OLFM2: variants seen among roughly 807,000 people sequenced by gnomAD.
The protein encoded by OLFM2 is olfactomedin 2, also known as noelin-2.
A neutral mutation model predicts 43.9 loss-of-function variants in OLFM2; 20 were observed. The observed-to-expected ratio is 0.46, with a 90% CI of 0.32 to 0.66. The LOEUF is 0.66. OLFM2 is among the 30% of genes least tolerant of loss of function. The pLI is 0.04. For synonymous variants in OLFM2, 268 were observed against 278.6 expected, an observed-to-expected ratio of 0.96 and a Z score of 0.38; for missense variants, 416 against 643.6, an observed-to-expected ratio of 0.65 and a Z score of 3.83.
intron 2 of OLFM2, 57 bp downstream of exon 2, chr19:9,860,588 G>A (rs934502737): frequency 1.4e-5 from 22 of 1,540,898 alleles, no homozygotes; most frequent in Middle Eastern, 3.8e-4. Flanking sequence ...GCTGGAGGGC[G>A]GGGTGAGAAC....
rs534461534 is a variant in OLFM2 at position 9,880,474 on chromosome 19, G to A, written c.64-19680C>T. On this transcript the variant is annotated intron_variant, in intron 1 of 5. Coordinates refer to ENST00000264833, the MANE Select transcript of OLFM2 (RefSeq NM_058164.4). ...GGGCCAGGTGTGATGGGGCACACCT[G>A]TAATCCCAGCACTTTAGGAGGCTAA... 1.1e-4 allele frequency among the ~76,000 whole-genome samples: 17 copies of A among 152,228 alleles called. No homozygotes were observed. The South Asian group carries it at 3.1e-3, about 28-fold the overall frequency.
chr19:9,896,164 G>GT (rs1207974548), intron 1 of OLFM2, among the ~76,000 whole-genome samples: 19 of 138,778 alleles, frequency 1.4e-4, no homozygotes, highest in African/African-American at 3.5e-4. Context: ...GCAGTGGCGC[G>GT]ATCTTGGCTC....
intron 1 of OLFM2, among the ~76,000 whole-genome samples, chr19:9,880,580 G>C (rs181755486): frequency 2.0e-5 from 3 of 152,062 alleles, no homozygotes; most frequent in African/African-American, 7.2e-5. Flanking sequence ...CTGAGCAAGA[G>C]AGCGAGACCC....
At chr19:9,874,392 C>T (rs2046468862) in intron 1 of OLFM2, among the ~76,000 whole-genome samples, 2 of 142,900 alleles carry the variant, frequency 1.4e-5, no homozygotes, top group Non-Finnish European at 1.5e-5. Context: ...GACTCAAACT[C>T]CTGACCTTAA....
At chr19:9,908,622 G>GCACCCGC (rs1452591874) in intron 1 of OLFM2, among the ~76,000 whole-genome samples, 2 of 151,904 alleles carry the variant, frequency 1.3e-5, no homozygotes, top group Non-Finnish European at 2.9e-5. Context: ...GGGACTGCAG[G>GCACCCGC]CACCCGCCAC....
intron 1 of OLFM2, among the ~76,000 whole-genome samples, chr19:9,934,862 C>A (rs547982742): frequency 6.6e-6 from 1 of 152,300 alleles, no homozygotes; most frequent in African/African-American, 2.4e-5. Flanking sequence ...CCTCCCAACA[C>A]CCCCCTCGGG....
At chr19:9,867,402 AC>A (rs1432157128) in intron 1 of OLFM2, among the ~76,000 whole-genome samples, 1 of 152,156 alleles carries the variant, frequency 6.6e-6, no homozygotes, top group African/African-American at 2.4e-5. Flanking sequence ...ACAAAAAAAA[AC>A]AATTCCTGGT....
intron 1 of OLFM2, among the ~76,000 whole-genome samples, chr19:9,899,985 C>T (rs552695903): frequency 1.3e-5 from 2 of 152,186 alleles, no homozygotes; most frequent in South Asian, 4.1e-4. Flanking sequence ...TGCCTTGTCT[C>T]ACGTGTCCCC....
intron 1 of OLFM2, among the ~76,000 whole-genome samples, chr19:9,908,573 G>T (rs1023208801): frequency 4.8e-5 from 7 of 146,598 alleles, no homozygotes; most frequent in Non-Finnish European, 8.9e-5. Context: ...CCACCTCCTG[G>T]GTTCACGCCA....
At chr19:9,917,787 T>C (rs899426783) in intron 1 of OLFM2, among the ~76,000 whole-genome samples, 1 of 152,318 alleles carries the variant, frequency 6.6e-6, no homozygotes, top group Non-Finnish European at 1.5e-5. Context: ...CTCAGTGATA[T>C]GGTGATCTTA....
chr19:9,874,295 T>C (rs867632057), intron 1 of OLFM2, among the ~76,000 whole-genome samples: 2 of 150,342 alleles, frequency 1.3e-5, no homozygotes, highest in Admixed American at 6.7e-5. Flanking sequence ...TGAGGATTAC[T>C]GGCCAGGGAG....
In OLFM2 at chr19:9,926,553, AAAATAAAT is replaced by A. The variant is rs530932117; in HGVS notation, c.63+9743_63+9750del. 3.3e-5 allele frequency among the ~76,000 whole-genome samples: 5 copies of A among 151,480 alleles called. No individual in the cohort carries two copies. The East Asian group carries it at 9.7e-4, about 29-fold the overall frequency. On this transcript the variant is annotated intron_variant, in intron 1 of 5. Coordinates refer to ENST00000264833, the MANE Select transcript of OLFM2 (RefSeq NM_058164.4). ...GGACAGAGAGCGAGACTCCATCTCA[AAAATAAAT>A]AAATAAATAAATAAATGACTAAAGT...
chr19:9,898,669 CTTATCT>C (rs1188667878), intron 1 of OLFM2, among the ~76,000 whole-genome samples: 1 of 152,138 alleles, frequency 6.6e-6, no homozygotes, highest in Non-Finnish European at 1.5e-5. Context: ...TGGCCCCCTC[CTTATCT>C]TTAAGAAATT....
intron 1 of OLFM2, among the ~76,000 whole-genome samples, chr19:9,873,478 A>T (rs189396494): frequency 1.2e-4 from 18 of 152,208 alleles, no homozygotes; most frequent in African/African-American, 4.3e-4. Context: ...TTTAAGAGAC[A>T]GGGTCTCAAG....
chr19:9,904,165 T>A (rs2046764703), intron 1 of OLFM2, among the ~76,000 whole-genome samples: 1 of 141,596 alleles, frequency 7.1e-6, no homozygotes, highest in Admixed American at 7.0e-5. Context: ...TGTGTGTGTG[T>A]GTGTGTGTGT....
At chr19:9,893,526 A>ACC (rs35429557) in intron 1 of OLFM2, among the ~76,000 whole-genome samples, 2 of 151,838 alleles carry the variant, frequency 1.3e-5, no homozygotes, top group East Asian at 2.0e-4. Flanking sequence ...ACTTGAGTGA[A>ACC]CCCCCCGTCT....
Position 9,856,561 on chromosome 19 carries a change from G to A in OLFM2, c.687+246C>T, listed in dbSNP as rs1047949878. 6.6e-6 allele frequency among the ~76,000 whole-genome samples: 1 copy of A among 152,212 alleles called. No homozygotes were observed. The highest frequency in any genetic ancestry group is 2.4e-5 in the African/African-American group (1 of 41,452). On this transcript the variant is annotated intron_variant, in intron 5 of 5. Transcript: ENST00000264833. This position sits in a 1 kb window ranked among gnomAD's most constrained non-coding sequence, Gnocchi z 4.0. ...GGACGTCAGTAGTCCCTGAGAACTG[G>A]TCAGTAGAACTCAGTAACCATTAGC...
chr19:9,894,087 G>A (rs1485415988), intron 1 of OLFM2, among the ~76,000 whole-genome samples: 2 of 152,008 alleles, frequency 1.3e-5, no homozygotes, highest in African/African-American at 2.4e-5. Flanking sequence ...GAGGCCAGGA[G>A]TTCGAGACCA....
At chr19:9,885,543 G>A (rs990581758) in intron 1 of OLFM2, among the ~76,000 whole-genome samples, 1 of 148,832 alleles carries the variant, frequency 6.7e-6, no homozygotes, top group Non-Finnish European at 1.5e-5. Flanking sequence ...GCTAGCAGCT[G>A]TGATCTTCTC....
Sources: gnomAD v4.1 joint callset for allele counts (sites outside exome capture counted in the v4.1 genomes callset) on GRCh38, gnomAD v4.1.1 for gene constraint, Gnocchi (gnomAD v3.1) non-coding constraint, MANE v1.5 for transcripts, NCBI Gene and HGNC (gene_info 2026-07-23, HGNC 2026-07-21) for gene names.